VWF: variants seen among roughly 807,000 people sequenced by gnomAD.
VWF encodes von Willebrand factor.
VWF carries 176 observed loss-of-function variants against 308.6 expected under a neutral mutation model. The ratio of observed to expected loss-of-function variants is 0.57; its 90% CI spans 0.50 to 0.65. VWF has a LOEUF of 0.65. Ranked by LOEUF, VWF falls within the 30% of genes least tolerant of loss-of-function variation. The pLI is 0.00. For missense variants in VWF, 3,146 were observed against 3,648.2 expected, an observed-to-expected ratio of 0.86 and a Z score of 3.55; for synonymous variants, 1,385 against 1,443.4, an observed-to-expected ratio of 0.96 and a Z score of 0.92.
chr12:6,045,023 T>A (rs1453152430), intron 17 of VWF, among the ~76,000 whole-genome samples: 1 of 152,218 alleles, frequency 6.6e-6, no homozygotes, highest in African/African-American at 2.4e-5. Flanking sequence ...CCTATATATG[T>A]TCTTCTCACC....
rs572231700 is a variant in VWF, at chr12:5,993,947, C to A, written c.6513G>T (p.Glu2171Asp). 1 of 1,614,148 alleles carries A rather than the reference C, an allele frequency of 6.2e-7. No individual in the cohort carries two copies. The highest frequency in any genetic ancestry group is 2.2e-5 in the East Asian group (1 of 44,874). ...AAGAGGCGATCACCTCACACACTTG[C>A]TCCTGGTGGCAACTGTCCTGCTGGC... is the stretch of plus-strand genomic sequence containing the variant. The part of the protein sequence containing the change: ...AICQQDSCHQ[E>D]QVCEVIASYA... Residue 2171 changes from glutamate to aspartate, a missense_variant, in exon 37 of 52, where the codon GAG becomes GAT. Coordinates refer to ENST00000261405, the MANE Select transcript of VWF (RefSeq NM_000552.5).
intron 18 of VWF, among the ~76,000 whole-genome samples, chr12:6,038,270 A>G (rs1006091854): frequency 7.9e-5 from 12 of 152,190 alleles, no homozygotes; most frequent in African/African-American, 2.2e-4. Flanking sequence ...AGTGGCTGCT[A>G]TAAGAATGAC....
chr12:6,111,850 T>C (rs2136524024), intron 3 of VWF, among the ~76,000 whole-genome samples: 1 of 149,968 alleles, frequency 6.7e-6, no homozygotes, highest in East Asian at 1.9e-4. Flanking sequence ...CCCAGTTCTT[T>C]GGGAGGCTGA....
rs149640698 is a variant in VWF, at chr12:6,072,333, G to C, written c.1107C>G (p.Thr369=). The C allele has an allele frequency of 7.2e-5, 117 of 1,613,958 alleles. No individual in the cohort carries two copies. In the African/African-American group the frequency reaches 1.5e-3, roughly 20 times the overall value. Residue 369 remains threonine, a splice_region_variant and synonymous_variant, in exon 9 of 52, where the codon ACC becomes ACG. Transcript: ENST00000261405. ...PGTSLSRDCN[T]CICRNSQWIC... is the part of the protein sequence containing the mutation. The stretch of plus-strand genomic sequence containing the variant: ...GCACGCTGCGCAGCCCCCATTACCA[G>C]GTGTTGCAGTCTCGAGAGAGGGAGG...
intron 34 of VWF, among the ~76,000 whole-genome samples, chr12:6,001,576 C>G (rs1480422388): frequency 6.6e-6 from 1 of 152,090 alleles, no homozygotes; most frequent in Non-Finnish European, 1.5e-5. Flanking sequence ...TATCTATGCA[C>G]CAGACAACAT....
chr12:6,075,352 G>A lies in VWF; in HGVS notation c.857C>T (p.Thr286Ile), dbSNP rs1410139197. 1.2e-6 allele frequency: 2 copies of A among 1,614,028 alleles called. No individual in the cohort carries two copies. Among genetic ancestry groups the A allele is most frequent in the South Asian group, 1.1e-5 (1 of 91,080 alleles). ...AQEGMVLYGWTDHSACSPVCP... is the reference protein window; with the variant it reads ...AQEGMVLYGWIDHSACSPVCP... The stretch of plus-strand genomic sequence containing the variant: ...CGACTTACTGCACGCGCTGTGGTCG[G>A]TCCAGCCGTACAGCACCATTCCCTC... The change falls in exon 7 of 52, where the codon ACC (threonine) becomes ATC (isoleucine). Residue 286 changes from threonine (T) to isoleucine (I), a missense_variant. This residue lies in a region of VWF where 1,304 missense variants were observed against 1,353.0 expected (regional missense o/e 0.96). Transcript: ENST00000261405. The surrounding 1 kb of genome is among the most constrained non-coding windows in gnomAD (Gnocchi z 4.7).
chr12:6,087,603 G>T (rs1944987884), intron 6 of VWF, among the ~76,000 whole-genome samples: 1 of 150,822 alleles, frequency 6.6e-6, no homozygotes, highest in Non-Finnish European at 1.5e-5. Flanking sequence ...CTGACCTCGT[G>T]ATCCGCCCGC....
rs960110872 is a variant in VWF at position 6,046,955 on chromosome 12, A to G, written c.2187-138T>C. The G allele has an allele frequency of 8.4e-5, 64 of 757,856 alleles. No individual in the cohort carries two copies. The highest frequency in any genetic ancestry group is 1.4e-4 in the Non-Finnish European group (61 of 435,636). The allele number at this position is 757,856 out of a possible 1,614,324, so 46.9% of individuals were successfully genotyped here. A position where few individuals can be genotyped will look rare whatever the true frequency, so the allele number is the denominator to read the frequency against. ...AACCCCTCCTGAAGCACAGCTTGCT[A>G]ACGTTACCAATGGATGATCCCCACG... On this transcript the variant is annotated intron_variant, in intron 16 of 51. Coordinates refer to ENST00000261405, the MANE Select transcript of VWF (RefSeq NM_000552.5). The surrounding 1 kb of genome is among the most constrained non-coding windows in gnomAD (Gnocchi z 5.0).
chr12:6,044,410 C>T lies in VWF; in HGVS notation c.2323G>A (p.Val775Met), dbSNP rs1374965841. ...LSCRPPMVKL[V>M]CPADNLRAEG... ...GCCCGCAGGTTGTCAGCGGGACACA[C>T]CAGCTTGACCATGGGGGGCCGACAG... The change falls in exon 18 of 52, where the codon GTG (valine) becomes ATG (methionine). Residue 775 changes from valine (V) to methionine (M), a missense_variant. By Grantham distance (21) the Val-to-Met change is conservative (BLOSUM62 1). Transcript: ENST00000261405. The T allele has an allele frequency of 6.2e-7, 1 of 1,614,222 alleles. No homozygotes were observed. The highest frequency in any genetic ancestry group is 2.2e-5 in the East Asian group (1 of 44,884).
At position 5,983,790 on chromosome 12, in the gene VWF, A is replaced by AAT. The variant is rs1943640120; in HGVS notation, c.6977-538_6977-537dup. 1.2e-4 allele frequency among the ~76,000 whole-genome samples: 6 copies of AAT among 48,456 alleles called. No homozygotes were observed. The South Asian group carries it at 4.2e-3, about 34-fold the overall frequency. 31.8% of individuals were successfully genotyped at this position (48,456 alleles called of 152,430 possible). A position where few individuals can be genotyped will look rare whatever the true frequency, so the allele number is the denominator to read the frequency against. The stretch of plus-strand genomic sequence containing the variant: ...AGATATAGGATAGATAACTAGATAC[A>AAT]ATAGAGATAGATAGATAGATAGATA... On this transcript the variant is annotated intron_variant, in intron 40 of 51. Transcript: ENST00000261405.
intron 6 of VWF, among the ~76,000 whole-genome samples, chr12:6,078,847 C>T (rs1355091099): frequency 1.3e-5 from 2 of 152,212 alleles, no homozygotes; most frequent in Non-Finnish European, 2.9e-5. Flanking sequence ...TCTTTTCCCA[C>T]TCAGAGGGAT....
chr12:6,006,255 A>C (rs965415666), intron 34 of VWF, among the ~76,000 whole-genome samples: 6 of 152,206 alleles, frequency 3.9e-5, no homozygotes, highest in Admixed American at 3.3e-4. Flanking sequence ...TAGAAGATAC[A>C]CAAAAGGAAA....
At chr12:6,026,927 A>G (rs1374880106) in intron 22 of VWF, among the ~76,000 whole-genome samples, 3 of 152,222 alleles carry the variant, frequency 2.0e-5, no homozygotes, top group Non-Finnish European at 4.4e-5. Flanking sequence ...AAAACAAAAA[A>G]ACTACAGAAA....
At chr12:6,095,778 G>A in intron 5 of VWF, 194 bp from the exon 6 acceptor site, 1 of 717,374 alleles carries the variant, frequency 1.4e-6, no homozygotes, top group Non-Finnish European at 2.3e-6. Context: ...GAGCAGCACA[G>A]GAGTTTTGAC....
At chr12:5,968,221 C>T in intron 45 of VWF, 54 bp from the exon 46 acceptor site, 1 of 1,609,578 alleles carries the variant, frequency 6.2e-7, no homozygotes. Context: ...CCTGGTGAGA[C>T]CGGCGAGCAG....
chr12:6,078,007 C>T (rs1365698874), intron 6 of VWF, among the ~76,000 whole-genome samples: 2 of 152,152 alleles, frequency 1.3e-5, no homozygotes, highest in South Asian at 2.1e-4. Flanking sequence ...GGAATATGCA[C>T]GCGGAAGACT....
rs921399694 is a variant in VWF at position 6,005,975 on chromosome 12, C to T, written c.5842+5642G>A. Among the ~76,000 whole-genome samples the T allele has an allele frequency of 1.4e-3, 197 of 144,354 alleles. 3 individuals are homozygous for T. Among genetic ancestry groups the T allele is most frequent in the African/African-American group, 4.5e-3 (181 of 40,340 alleles). 94.7% of individuals were successfully genotyped at this position (144,354 alleles called of 152,430 possible). A position where few individuals can be genotyped will look rare whatever the true frequency, so the allele number is the denominator to read the frequency against. On this transcript the variant is annotated intron_variant, in intron 34 of 51. Coordinates refer to ENST00000261405, the MANE Select transcript of VWF (RefSeq NM_000552.5). ...TAAACAAATATAGAATATTTTAATACTATAATGACAATGTGTAAATCTTTG... is the reference window on the plus strand; with the variant it reads ...TAAACAAATATAGAATATTTTAATATTATAATGACAATGTGTAAATCTTTG...
rs1944078823 is a variant in VWF at position 6,017,726 on chromosome 12, T to C, written c.5053+639A>G. ...GATACACAAAGATGTGTATCCTTTGTATAGATGATATACAAAGAGGTTAAG... is the reference window on the plus strand; with the variant it reads ...GATACACAAAGATGTGTATCCTTTGCATAGATGATATACAAAGAGGTTAAG... On this transcript the variant is annotated intron_variant, in intron 28 of 51. Transcript: ENST00000261405. Among the ~76,000 whole-genome samples the C allele has an allele frequency of 2.6e-5, 4 of 152,336 alleles. No homozygotes were observed. In the South Asian group the frequency reaches 8.3e-4, roughly 32 times the overall value.
At chr12:6,044,219 A>C (rs1944421788) in intron 18 of VWF, 72 bp downstream of exon 18, 13 of 1,587,396 alleles carry the variant, frequency 8.2e-6, no homozygotes, top group African/African-American at 1.3e-5. Context: ...CTCTGGCTGC[A>C]CAGCCCCCTC....
Sources: gnomAD v4.1 joint callset for allele counts (sites outside exome capture counted in the v4.1 genomes callset) on GRCh38, gnomAD v4.1.1 for gene constraint, gnomAD v4.1.1 regional missense constraint, Gnocchi (gnomAD v3.1) non-coding constraint, MANE v1.5 for transcripts, NCBI Gene and HGNC (gene_info 2026-07-23, HGNC 2026-07-21) for gene names.